SEPTIN7: variants seen among roughly 807,000 people sequenced by gnomAD.
SEPTIN7 encodes septin 7, also known as septin-7.
In SEPTIN7, 10 loss-of-function variants were observed where a neutral mutation model predicts 63.3. That is an observed-to-expected ratio of 0.16 (90% CI 0.10 to 0.27). The LOEUF is 0.27. Among genes scored for constraint, SEPTIN7 ranks in the 10% least tolerant of loss-of-function variants. SEPTIN7 has a pLI of 1.00. For missense variants in SEPTIN7, 310 were observed against 521.0 expected (o/e 0.59, Z 3.94); for synonymous variants, 131 against 165.3 (o/e 0.79, Z 1.59).
At chr7:35,912,202 C>T in the SEPTIN7 span, among the ~76,000 whole-genome samples, 3 of 152,244 alleles carry the variant, frequency 2.0e-5, no homozygotes, top group Non-Finnish European at 4.4e-5. Flanking sequence ...GTGACATGCT[C>T]ATGATGGCCA....
At chr7:35,914,679 AC>A in the SEPTIN7 span, among the ~76,000 whole-genome samples, 1 of 151,872 alleles carries the variant, frequency 6.6e-6, no homozygotes, top group African/African-American at 2.4e-5. Flanking sequence ...ATATACACAC[AC>A]ACACATAAAT....
Position 35,874,698 on chromosome 7 carries a change from G to T in SEPTIN7, c.512+923G>T, listed in dbSNP as rs556167827. Among the ~76,000 whole-genome samples the T allele has an allele frequency of 8.8e-4, 133 of 151,934 alleles. 1 individual carries two copies. Among genetic ancestry groups the T allele is most frequent in the Non-Finnish European group, 1.4e-3 (95 of 67,918 alleles). ...TTTACTTTTTTATAGATAGGTCAAT[G>T]CCCATTATCACTCTAGATGGATAAG... On this transcript the variant is annotated intron_variant, in intron 6 of 13. Transcript: ENST00000350320.
the SEPTIN7 span, among the ~76,000 whole-genome samples, chr7:35,915,085 G>T: frequency 7.0e-6 from 1 of 143,346 alleles, no homozygotes; most frequent in African/African-American, 2.6e-5. Flanking sequence ...GTACATATAT[G>T]TATATATGCG....
intron 3 of SEPTIN7, among the ~76,000 whole-genome samples, chr7:35,834,649 A>T (rs760322520): frequency 1.6e-4 from 25 of 152,118 alleles, no homozygotes; most frequent in Non-Finnish European, 3.1e-4. Flanking sequence ...GAATAGATAT[A>T]TTGAGTGCAG....
At chr7:35,909,304 C>G (rs531506267), downstream of SEPTIN7, among the ~76,000 whole-genome samples, 1 of 152,304 alleles carries the variant, frequency 6.6e-6, no homozygotes, top group South Asian at 2.1e-4. Context: ...GCCAGGAACT[C>G]AAATTGGCAT....
intron 2 of SEPTIN7, 116 bp downstream of exon 2, chr7:35,831,612 TC>T: frequency 3.4e-6 from 1 of 295,324 alleles, no homozygotes. Context: ...TATTTCTAAC[TC>T]CACTCATAGC....
intron 7 of SEPTIN7, 42 bp downstream of exon 7, chr7:35,879,982 A>C: frequency 1.7e-4 from 197 of 1,136,726 alleles, no homozygotes; most frequent in Non-Finnish European, 2.3e-4. Flanking sequence ...TACCGTTCTC[A>C]TAATTTGCAG....
chr7:35,868,392 A>G (rs1285528804), intron 4 of SEPTIN7, among the ~76,000 whole-genome samples: 1 of 152,172 alleles, frequency 6.6e-6, no homozygotes, highest in Non-Finnish European at 1.5e-5. Flanking sequence ...CTTGTCTTAA[A>G]CTAAGTTTTG....
intron 3 of SEPTIN7, among the ~76,000 whole-genome samples, chr7:35,841,176 G>C (rs770674219): frequency 2.0e-5 from 3 of 151,974 alleles, no homozygotes; most frequent in African/African-American, 7.3e-5. Flanking sequence ...AGCCGAGATC[G>C]TGCCACTACA....
At chr7:35,915,381 A>C in the SEPTIN7 span, among the ~76,000 whole-genome samples, 2 of 152,314 alleles carry the variant, frequency 1.3e-5, no homozygotes, top group South Asian at 4.1e-4. Context: ...GACTTATCTG[A>C]ATTGTTTTCA....
intron 6 of SEPTIN7, among the ~76,000 whole-genome samples, chr7:35,874,882 A>G (rs1786381748): frequency 6.6e-6 from 1 of 152,188 alleles, no homozygotes; most frequent in Non-Finnish European, 1.5e-5. Context: ...AAGTAATCTC[A>G]AAAATACAAC....
chr7:35,878,320 A>G lies in SEPTIN7; in HGVS notation c.513-1503A>G, dbSNP rs190671204. Among the ~76,000 whole-genome samples, 884 of 152,222 alleles carry G rather than the reference A, an allele frequency of 5.8e-3. 6 individuals are homozygous for G. Among genetic ancestry groups the G allele is most frequent in the African/African-American group, 0.02 (842 of 41,528 alleles). ...AGGAGGGTGTTCCAGCTAAGGTAGTAGCCTGTGGCCAGATGTCAAAGTATG... is the reference window on the plus strand; with the variant it reads ...AGGAGGGTGTTCCAGCTAAGGTAGTGGCCTGTGGCCAGATGTCAAAGTATG... On this transcript the variant is annotated intron_variant, in intron 6 of 13. Transcript: ENST00000350320.
chr7:35,819,829 A>G (rs1789305907), intron 1 of SEPTIN7, among the ~76,000 whole-genome samples: 1 of 152,200 alleles, frequency 6.6e-6, no homozygotes, highest in Non-Finnish European at 1.5e-5. Flanking sequence ...TGGGCACCAC[A>G]TAGTTGGATC....
At chr7:35,870,282 T>G (rs1396860058) in intron 4 of SEPTIN7, among the ~76,000 whole-genome samples, 1 of 152,230 alleles carries the variant, frequency 6.6e-6, no homozygotes, top group African/African-American at 2.4e-5. Context: ...GTTGTTGAAC[T>G]GATTTTTTTT....
downstream of SEPTIN7, among the ~76,000 whole-genome samples, chr7:35,911,962 GGAAGC>G (rs1383857596): frequency 2.0e-5 from 3 of 152,164 alleles, no homozygotes; most frequent in African/African-American, 7.2e-5. Flanking sequence ...ACAAACACTT[GGAAGC>G]TCTGTGATTT....
intron 10 of SEPTIN7, among the ~76,000 whole-genome samples, chr7:35,886,465 A>AAGC (rs1787252291): frequency 6.6e-6 from 1 of 152,210 alleles, no homozygotes; most frequent in African/African-American, 2.4e-5. Flanking sequence ...TGAATTAGAA[A>AAGC]AGCAGCAGCA....
At chr7:35,813,901 A>G (rs1788889668) in intron 1 of SEPTIN7, among the ~76,000 whole-genome samples, 1 of 152,198 alleles carries the variant, frequency 6.6e-6, no homozygotes, top group Non-Finnish European at 1.5e-5. Flanking sequence ...TAAGTTCATT[A>G]CATCAATAAT....
chr7:35,900,851 C>G (rs983317801), intron 12 of SEPTIN7: 1 of 152,138 alleles, frequency 6.6e-6, no homozygotes, highest in Non-Finnish European at 1.5e-5. Flanking sequence ...CTGTGAAGAG[C>G]TCTGGGCCAA....
At chr7:35,903,486 C>CATTGGATT (rs1433251047) in intron 13 of SEPTIN7, among the ~76,000 whole-genome samples, 3 of 152,148 alleles carry the variant, frequency 2.0e-5, no homozygotes, top group Non-Finnish European at 2.9e-5. Context: ...AACTTACCTT[C>CATTGGATT]ATTGGATTTC....
Sources: gnomAD v4.1 joint callset for allele counts (sites outside exome capture counted in the v4.1 genomes callset) on GRCh38, gnomAD v4.1.1 for gene constraint, MANE v1.5 for transcripts, NCBI Gene and HGNC (gene_info 2026-07-23, HGNC 2026-07-21) for gene names.